COG2: variants seen among roughly 807,000 people sequenced by gnomAD.
COG2 encodes conserved oligomeric Golgi complex subunit 2.
Under a neutral mutation model 90.6 loss-of-function variants are expected in COG2, and 52 were observed. The ratio of observed to expected loss-of-function variants is 0.57; its 90% CI spans 0.46 to 0.72. The LOEUF (loss-of-function observed/expected upper bound fraction) is 0.72, where lower values mean the gene tolerates loss of function less well. COG2 is among the 30% of genes least tolerant of loss of function. The pLI, the probability that COG2 is intolerant of heterozygous loss-of-function variation, is 0.00. For synonymous variants in COG2, 337 were observed against 320.4 expected (o/e 1.05, Z -0.55); for missense variants, 829 against 891.2 (o/e 0.93, Z 0.89).
intron 9 of COG2, among the ~76,000 whole-genome samples, chr1:230,675,553 T>C (rs1003223957): frequency 2.6e-5 from 4 of 152,210 alleles, no homozygotes; most frequent in Non-Finnish European, 5.9e-5. Context: ...GGTTGGATTT[T>C]AAAATATACT....
Position 230,669,435 on chromosome 1 carries a change from A to G in COG2, c.674A>G (p.Asp225Gly). 1 of 1,614,140 alleles carries G rather than the reference A, an allele frequency of 6.2e-7. No individual in the cohort carries two copies. Among genetic ancestry groups the G allele is most frequent in the Non-Finnish European group, 8.5e-7 (1 of 1,179,976 alleles). ...LLEGLQTSDV[D>G]IIRHCLRTYA... is the part of the protein sequence containing the mutation. Reference sequence around the variant, plus strand: ...GAAGGCCTTCAGACGTCTGACGTCGATATAATACGGCACTGCTTGCGGACT... The same window carrying G: ...GAAGGCCTTCAGACGTCTGACGTCGGTATAATACGGCACTGCTTGCGGACT... Residue 225 changes from aspartate (D) to glycine (G), a missense_variant, in exon 7 of 18, where the codon GAT becomes GGT. Coordinates refer to ENST00000366669, the MANE Select transcript of COG2 (RefSeq NM_007357.3).
chr1:230,686,072 C>A (rs991825616), intron 12 of COG2, among the ~76,000 whole-genome samples: 1 of 152,014 alleles, frequency 6.6e-6, no homozygotes, highest in Non-Finnish European at 1.5e-5. Flanking sequence ...TAATGTCAAA[C>A]GTTGGCTCTT....
intron 1 of COG2, among the ~76,000 whole-genome samples, chr1:230,651,365 G>A (rs1661909995): frequency 6.6e-6 from 1 of 152,064 alleles, no homozygotes; most frequent in Admixed American, 6.6e-5. Context: ...ATTGATATTT[G>A]GGTCTCAGGC....
Position 230,656,971 on chromosome 1 carries a change from C to T in COG2, c.73-2493C>T, listed in dbSNP as rs189170665. On this transcript the variant is annotated intron_variant, in intron 1 of 17. Transcript: ENST00000366669. ...TTTTGAGCCTATGTGTGTCTTTGCA[C>T]GTGAGATGGGTCTCCTAAATACAGC... Among the ~76,000 whole-genome samples, 8 of 152,208 alleles carry T rather than the reference C, an allele frequency of 5.3e-5. No individual in the cohort carries two copies. In the East Asian group the frequency reaches 1.2e-3, roughly 22 times the overall value.
chr1:230,681,330 G>A (rs575173184), intron 10 of COG2: 2 of 152,276 alleles, frequency 1.3e-5, no homozygotes, highest in South Asian at 2.1e-4. Context: ...ACATTCACAT[G>A]TATATACTGT....
rs746905997 is a variant in COG2 at position 230,687,115 on chromosome 1, G to C, written c.1561G>C (p.Asp521His). The C allele has an allele frequency of 9.9e-6, 16 of 1,611,104 alleles. No homozygotes were observed. In the East Asian group the frequency reaches 3.1e-4, roughly 31 times the overall value. The change falls in exon 13 of 18, where the codon GAC (aspartate) becomes CAC (histidine). Residue 521 changes from aspartate (D) to histidine (H), a missense_variant. Coordinates refer to ENST00000366669, the MANE Select transcript of COG2 (RefSeq NM_007357.3). ...TQLVYVVADL[D>H]KLQEQLPELL... ...GCTCGTGTATGTGGTTGCAGACCTGGACAAGCTTCAGGAGCAGGTAAGCCT... is the reference window on the plus strand; with the variant it reads ...GCTCGTGTATGTGGTTGCAGACCTGCACAAGCTTCAGGAGCAGGTAAGCCT...
chr1:230,689,867 A>C, intron 15 of COG2, 147 bp from the exon 16 acceptor site: 1 of 698,462 alleles, frequency 1.4e-6, no homozygotes, highest in Non-Finnish European at 2.3e-6. Context: ...TGTGGACCCC[A>C]GTGTTACTTT....
At chr1:230,687,248 G>A in intron 13 of COG2, 116 bp downstream of exon 13, 1 of 779,472 alleles carries the variant, frequency 1.3e-6, no homozygotes, top group Non-Finnish European at 2.0e-6. Context: ...GGGGACCCGT[G>A]GGTACCCCAA....
chr1:230,692,819 C>T (rs576868834), intron 17 of COG2, among the ~76,000 whole-genome samples: 5 of 150,526 alleles, frequency 3.3e-5, no homozygotes, highest in African/African-American at 7.3e-5. Flanking sequence ...AAAGTGGGAA[C>T]GTAGTGTGCC....
chr1:230,687,186 A>T (rs572751873), intron 13 of COG2, 54 bp downstream of exon 13: 2 of 1,511,666 alleles, frequency 1.3e-6, no homozygotes, highest in East Asian at 4.6e-5. Context: ...TTTTCACAGA[A>T]GGTAGTATGT....
intron 8 of COG2, 139 bp downstream of exon 8, chr1:230,671,779 T>C: frequency 1.3e-6 from 1 of 788,176 alleles, no homozygotes; most frequent in Non-Finnish European, 2.0e-6. Context: ...ATTTCATTGT[T>C]TCTACTGGTG....
rs186650178 is a variant in COG2 at position 230,668,297 on chromosome 1, G to A, written c.486-379G>A. Among the ~76,000 whole-genome samples, 542 of 152,090 alleles carry A rather than the reference G, an allele frequency of 3.6e-3. 5 individuals carry two copies. The highest frequency in any genetic ancestry group is 7.3e-3 in the Admixed American group (111 of 15,270). On this transcript the variant is annotated intron_variant, in intron 5 of 17. Transcript: ENST00000366669. ...AGGGGGAAGAGGGAAATAGAAGGGA[G>A]GTTAAAGCTGAAAAAGAAGGTCATG... is the stretch of plus-strand genomic sequence containing the variant.
chr1:230,644,039 A>G (rs550078119), intron 1 of COG2, among the ~76,000 whole-genome samples: 1 of 152,328 alleles, frequency 6.6e-6, no homozygotes, highest in Non-Finnish European at 1.5e-5. Context: ...TTAAGGCTCA[A>G]CACCAGCATC....
At position 230,656,542 on chromosome 1, in the gene COG2, A is replaced by G. The variant is rs531583028; in HGVS notation, c.73-2922A>G. 9.2e-5 allele frequency among the ~76,000 whole-genome samples: 14 copies of G among 152,342 alleles called. No individual in the cohort carries two copies. The East Asian group carries it at 1.2e-3, about 13-fold the overall frequency. On this transcript the variant is annotated intron_variant, in intron 1 of 17. Transcript: ENST00000366669. ...TAAGTGCGATGCAGTGCTGAGAAGAATGTATATTCTGTTGATTTGGGGTGG... is the reference window on the plus strand; with the variant it reads ...TAAGTGCGATGCAGTGCTGAGAAGAGTGTATATTCTGTTGATTTGGGGTGG...
chr1:230,681,998 A>G (rs748145586), intron 10 of COG2: 9 of 152,342 alleles, frequency 5.9e-5, no homozygotes, highest in Non-Finnish European at 7.3e-5. Context: ...ATAAATATAC[A>G]TAAAACTTTG....
At chr1:230,666,634 C>T (rs1254703984) in intron 5 of COG2, among the ~76,000 whole-genome samples, 1 of 152,162 alleles carries the variant, frequency 6.6e-6, no homozygotes, top group Non-Finnish European at 1.5e-5. Context: ...ACTTTTGGTT[C>T]CCTGACTGCC....
At chr1:230,678,210 C>T in intron 9 of COG2, 1 of 985,418 alleles carries the variant, frequency 1.0e-6, no homozygotes, top group Non-Finnish European at 1.2e-6. Flanking sequence ...GGTCAACTGA[C>T]TGACTAGCAT....
intron 11 of COG2, 65 bp from the exon 12 acceptor site, chr1:230,685,020 A>ATTAC: frequency 6.4e-7 from 1 of 1,569,458 alleles, no homozygotes; most frequent in South Asian, 1.1e-5. Context: ...GAAGTCTCAC[A>ATTAC]TTAGACTATA....
intron 1 of COG2, among the ~76,000 whole-genome samples, chr1:230,655,329 G>A (rs1410762626): frequency 6.6e-6 from 1 of 152,124 alleles, no homozygotes; most frequent in Non-Finnish European, 1.5e-5. Flanking sequence ...TTTTGACAAA[G>A]GCCTTTTCTG....
Sources: allele counts gnomAD v4.1 joint callset (sites outside exome capture counted in the v4.1 genomes callset), GRCh38; gene constraint gnomAD v4.1.1; transcripts MANE v1.5; gene names NCBI Gene and HGNC (gene_info 2026-07-23, HGNC 2026-07-21).